RPSA2: variants seen among roughly 807,000 people sequenced by gnomAD.
RPSA2 encodes the protein ribosomal protein SA 2.
the RPSA2 span, among the ~76,000 whole-genome samples, chr19:23,815,678 G>A: frequency 1.3e-5 from 2 of 152,132 alleles, no homozygotes; most frequent in African/African-American, 4.8e-5. Context: ...GGTCTGCAAT[G>A]TCGTCTAGGC....
chr19:23,853,438 C>G, the RPSA2 span, among the ~76,000 whole-genome samples: 2 of 152,150 alleles, frequency 1.3e-5, no homozygotes, highest in African/African-American at 2.4e-5. Flanking sequence ...ATTCAGAAAC[C>G]AATTGAGTTA....
the RPSA2 span, among the ~76,000 whole-genome samples, chr19:23,866,513 G>GCCCCCCCC: frequency 2.7e-4 from 38 of 142,270 alleles, no homozygotes; most frequent in Non-Finnish European, 4.3e-4. Flanking sequence ...ACAATGTGGT[G>GCCCCCCCC]CCCCCCCCCG....
the RPSA2 span, among the ~76,000 whole-genome samples, chr19:23,817,056 T>C: frequency 6.6e-6 from 1 of 152,192 alleles, no homozygotes; most frequent in South Asian, 2.1e-4. Flanking sequence ...TATAAAATTA[T>C]ACCTCTATGT....
At chr19:23,787,173 C>T in the RPSA2 span, among the ~76,000 whole-genome samples, 1 of 152,068 alleles carries the variant, frequency 6.6e-6, no homozygotes, top group Admixed American at 6.6e-5. Context: ...ATTGTGACAT[C>T]GCTGGGCCCT....
the RPSA2 span, among the ~76,000 whole-genome samples, chr19:23,817,080 A>G: frequency 1.3e-5 from 2 of 152,198 alleles, 1 homozygote; most frequent in Admixed American, 1.3e-4. Context: ...TCAGTTTGTT[A>G]TTAACATTAA....
At chr19:23,791,133 G>A in the RPSA2 span, among the ~76,000 whole-genome samples, 3 of 152,178 alleles carry the variant, frequency 2.0e-5, no homozygotes, top group East Asian at 5.8e-4. Flanking sequence ...CACAATGAAA[G>A]TATTAAATAA....
At chr19:23,812,388 C>CTTTTTTTTTTTTTTTTTT in the RPSA2 span, among the ~76,000 whole-genome samples, 236 of 114,040 alleles carry the variant, frequency 2.1e-3, no homozygotes, top group Middle Eastern at 5.6e-3. Flanking sequence ...CTCTTTTTCT[C>CTTTTTTTTTTTTTTTTTT]TTTTTTTTTT....
chr19:23,851,724 G>A, the RPSA2 span, among the ~76,000 whole-genome samples: 23 of 152,290 alleles, frequency 1.5e-4, no homozygotes, highest in East Asian at 3.9e-4. Context: ...CAGCATTTCC[G>A]TTACTGGAGC....
chr19:23,783,259 C>A, the RPSA2 span, among the ~76,000 whole-genome samples: 1 of 151,940 alleles, frequency 6.6e-6, no homozygotes, highest in South Asian at 2.1e-4. Context: ...CCACTCCCAC[C>A]TAATTTTGTA....
the RPSA2 span, among the ~76,000 whole-genome samples, chr19:23,861,852 A>C: frequency 4.6e-5 from 7 of 152,296 alleles, no homozygotes; most frequent in African/African-American, 1.7e-4. Context: ...TGGTTTGACC[A>C]TCTTTTCCCT....
chr19:23,846,246 G>C, the RPSA2 span, among the ~76,000 whole-genome samples: 2 of 152,026 alleles, frequency 1.3e-5, no homozygotes, highest in Admixed American at 1.3e-4. Flanking sequence ...CACACAGTTG[G>C]ATCATTTTTT....
At chr19:23,760,837 G>A in the RPSA2 span, among the ~76,000 whole-genome samples, 1 of 150,874 alleles carries the variant, frequency 6.6e-6, no homozygotes, top group African/African-American at 2.4e-5. Flanking sequence ...GCTAATTTTT[G>A]TATGTTTAGC....
chr19:23,785,830 G>A, the RPSA2 span, among the ~76,000 whole-genome samples: 1 of 152,180 alleles, frequency 6.6e-6, no homozygotes, highest in Non-Finnish European at 1.5e-5. Flanking sequence ...TTTATAGCTA[G>A]GCCTAGGGTA....
At chr19:23,865,703 A>G in the RPSA2 span, among the ~76,000 whole-genome samples, 1 of 152,288 alleles carries the variant, frequency 6.6e-6, no homozygotes, top group Admixed American at 6.5e-5. Flanking sequence ...CCCCCACACA[A>G]CAAATTTTGC....
At chr19:23,793,235 T>G in the RPSA2 span, among the ~76,000 whole-genome samples, 1 of 151,388 alleles carries the variant, frequency 6.6e-6, no homozygotes, top group Non-Finnish European at 1.5e-5. Flanking sequence ...TTTTTTCCCT[T>G]AAAGTCTTCC....
the RPSA2 span, among the ~76,000 whole-genome samples, chr19:23,814,103 T>A: frequency 6.6e-6 from 1 of 151,416 alleles, no homozygotes; most frequent in East Asian, 2.0e-4. Flanking sequence ...TCCCAGCTTC[T>A]TGGGAAGATG....
At chr19:23,758,822 C>A in the RPSA2 span, 7 of 1,603,372 alleles carry the variant, frequency 4.4e-6, no homozygotes, top group Non-Finnish European at 6.0e-6. Context: ...GCCATAGAGG[C>A]TGGGCCTCTA....
chr19:23,796,717 ATTTTCT>A, the RPSA2 span, among the ~76,000 whole-genome samples: 1 of 151,310 alleles, frequency 6.6e-6, no homozygotes. Context: ...TTTTTTTTAG[ATTTTCT>A]TGTTTGTGTG....
At chr19:23,823,966 G>C in the RPSA2 span, 2 of 152,254 alleles carry the variant, frequency 1.3e-5, no homozygotes, top group Non-Finnish European at 2.9e-5. Context: ...TCACCAAAGT[G>C]TTGCAGAAAA....
Sources: gnomAD v4.1 joint callset for allele counts (sites outside exome capture counted in the v4.1 genomes callset) on GRCh38, gnomAD v4.1.1 for gene constraint, MANE v1.5 for transcripts, NCBI Gene and HGNC (gene_info 2026-07-23, HGNC 2026-07-21) for gene names.